MYO16: variants seen among roughly 807,000 people sequenced by gnomAD.
The protein encoded by MYO16 is myosin XVI.
A neutral mutation model predicts 205.3 loss-of-function variants in MYO16; 94 were observed. That is an observed-to-expected ratio of 0.46 (90% CI 0.39 to 0.54). The LOEUF is 0.54. Ranked by LOEUF, MYO16 falls within the 20% of genes least tolerant of loss-of-function variation. The pLI, the probability that MYO16 is intolerant of heterozygous loss-of-function variation, is 0.00. For missense variants in MYO16, 2,315 were observed against 2,387.5 expected, an observed-to-expected ratio of 0.97 and a Z score of 0.63; for synonymous variants, 988 against 954.0, an observed-to-expected ratio of 1.04 and a Z score of -0.66.
chr13:108,553,005 C>CTTTTTTTT, the MYO16 span, among the ~76,000 whole-genome samples: 1 of 64,912 alleles, frequency 1.5e-5, no homozygotes, highest in African/African-American at 4.9e-5. Flanking sequence ...CTTTAATACT[C>CTTTTTTTT]TTTTTTTTTT....
chr13:109,183,093 G>A (rs539897708), intron 34 of MYO16, among the ~76,000 whole-genome samples: 3 of 152,156 alleles, frequency 2.0e-5, no homozygotes, highest in Non-Finnish European at 4.4e-5. Flanking sequence ...GAATTAAACA[G>A]CATTTATGAA....
chr13:109,068,773 T>C (rs1243038885), intron 27 of MYO16, among the ~76,000 whole-genome samples: 1 of 152,100 alleles, frequency 6.6e-6, no homozygotes, highest in African/African-American at 2.4e-5. Context: ...GTATTTTTAG[T>C]AGAGAAGGGG....
At chr13:109,174,899 A>G (rs138272163) in intron 33 of MYO16, among the ~76,000 whole-genome samples, 7,692 of 149,106 alleles carry the variant, frequency 0.052, 279 homozygotes, top group Non-Finnish European at 0.074. Context: ...CTACAGGCGC[A>G]TGCCACCACA....
intron 23 of MYO16, among the ~76,000 whole-genome samples, chr13:109,022,903 T>C (rs1369843743): frequency 7.4e-6 from 1 of 135,694 alleles, no homozygotes; most frequent in African/African-American, 2.7e-5. Flanking sequence ...CACATGTAAA[T>C]ATATGTATAC....
intron 16 of MYO16, among the ~76,000 whole-genome samples, chr13:108,956,244 A>T (rs1295011467): frequency 1.3e-5 from 2 of 151,878 alleles, no homozygotes; most frequent in Non-Finnish European, 2.9e-5. Flanking sequence ...GAGACTTGCT[A>T]CTCATCATGA....
At chr13:108,923,659 G>A (rs1036839880) in intron 16 of MYO16, among the ~76,000 whole-genome samples, 23 of 152,186 alleles carry the variant, frequency 1.5e-4, no homozygotes, top group Admixed American at 4.6e-4. Context: ...GTTTGGGTCC[G>A]GAGCCCTCAG....
intron 16 of MYO16, among the ~76,000 whole-genome samples, chr13:108,950,520 A>G (rs1883102933): frequency 6.6e-6 from 1 of 152,180 alleles, no homozygotes; most frequent in Non-Finnish European, 1.5e-5. Flanking sequence ...AGAACAGCTC[A>G]TGAAAAAACA....
At chr13:109,142,585 A>G (rs1345524897) in intron 32 of MYO16, among the ~76,000 whole-genome samples, 2 of 152,132 alleles carry the variant, frequency 1.3e-5, no homozygotes, top group Admixed American at 1.3e-4. Flanking sequence ...GCTGTCCGCA[A>G]CCAGTCAGAC....
intron 23 of MYO16, among the ~76,000 whole-genome samples, chr13:109,040,385 C>CAGAG (rs146955371): frequency 8.0e-4 from 91 of 113,286 alleles, no homozygotes; most frequent in South Asian, 1.8e-3. Context: ...CACACACACA[C>CAGAG]AGAGAGAGAG....
Position 108,956,447 on chromosome 13 carries a change from C to T in MYO16, c.1926-1241C>T, listed in dbSNP as rs189803439. On this transcript the variant is annotated intron_variant, in intron 16 of 34. Transcript: ENST00000457511. ...GGCTACCAGGATATTCTTTCCAAGG[C>T]GCCAACATGATCATGCCACTTCTTT... Among the ~76,000 whole-genome samples the T allele has an allele frequency of 1.2e-4, 18 of 152,232 alleles. No individual in the cohort carries two copies. In the East Asian group the frequency reaches 2.5e-3, roughly 21 times the overall value.
chr13:108,809,414 C>T lies in MYO16; in HGVS notation c.867+2610C>T, dbSNP rs1055538649. 2.6e-5 allele frequency among the ~76,000 whole-genome samples: 4 copies of T among 152,120 alleles called. No individual in the cohort carries two copies. The East Asian group carries it at 7.7e-4, about 29-fold the overall frequency. Reference sequence around the variant, plus strand: ...ATAAAGAAAGCAGGTTTAATTGGCTCACAGTCTGCAGACTGTACAAGCATG... The same window carrying T: ...ATAAAGAAAGCAGGTTTAATTGGCTTACAGTCTGCAGACTGTACAAGCATG... On this transcript the variant is annotated intron_variant, in intron 7 of 34. Transcript: ENST00000457511.
In MYO16 at chr13:108,829,744, C is replaced by T. The variant is rs113480249; in HGVS notation, c.1097+6466C>T. On this transcript the variant is annotated intron_variant, in intron 9 of 34. Coordinates refer to ENST00000457511, the MANE Select transcript of MYO16 (RefSeq NM_001198950.3). The stretch of plus-strand genomic sequence containing the variant: ...AGTGACTCTTGGGGAGGAGAAATAC[C>T]CCATGGGGATTTTTGAATGAAATAA... Among the ~76,000 whole-genome samples, 84 of 152,222 alleles carry T rather than the reference C, an allele frequency of 5.5e-4. 1 individual carries two copies. The highest frequency in any genetic ancestry group is 1.9e-3 in the African/African-American group (81 of 41,550).
chr13:108,689,713 A>T (rs888789658), intron 2 of MYO16, among the ~76,000 whole-genome samples: 7 of 134,028 alleles, frequency 5.2e-5, no homozygotes, highest in African/African-American at 1.8e-4. Context: ...TATAAAAGAT[A>T]AAAAAAAAAA....
chr13:109,200,217 T>C (rs1173091487), intron 34 of MYO16, among the ~76,000 whole-genome samples: 7 of 152,206 alleles, frequency 4.6e-5, no homozygotes, highest in Non-Finnish European at 1.5e-5. Flanking sequence ...CATTATAACG[T>C]AACCTATGAA....
At chr13:108,573,072 C>A in the MYO16 span, among the ~76,000 whole-genome samples, 2 of 152,204 alleles carry the variant, frequency 1.3e-5, no homozygotes, top group Non-Finnish European at 2.9e-5. Flanking sequence ...TGCCTCCTCG[C>A]TTCTCTGGCT....
chr13:108,912,677 G>A (rs1048495124), intron 16 of MYO16, among the ~76,000 whole-genome samples: 4 of 152,106 alleles, frequency 2.6e-5, no homozygotes, highest in Middle Eastern at 6.8e-3. Context: ...ACCCTGGGAG[G>A]AAGCACCTAA....
chr13:108,767,238 G>T (rs1026340665), intron 4 of MYO16, among the ~76,000 whole-genome samples: 8 of 152,060 alleles, frequency 5.3e-5, no homozygotes, highest in Non-Finnish European at 1.2e-4. Flanking sequence ...TAGTAGCTGG[G>T]ACTACAGGCG....
chr13:108,971,630 T>C (rs116878727), intron 20 of MYO16, among the ~76,000 whole-genome samples: 7,056 of 151,862 alleles, frequency 0.046, 245 homozygotes, highest in Non-Finnish European at 0.074. Flanking sequence ...AACATATATA[T>C]GGAGATCATT....
At chr13:109,041,282 A>G (rs1393696674) in intron 23 of MYO16, among the ~76,000 whole-genome samples, 2 of 152,240 alleles carry the variant, frequency 1.3e-5, no homozygotes, top group Non-Finnish European at 2.9e-5. Flanking sequence ...TAATCATCAT[A>G]GTAATCAGTT....
Sources: allele counts gnomAD v4.1 joint callset (sites outside exome capture counted in the v4.1 genomes callset), GRCh38; gene constraint gnomAD v4.1.1; transcripts MANE v1.5; gene names NCBI Gene and HGNC (gene_info 2026-07-23, HGNC 2026-07-21).